NEMP2: variants seen among roughly 807,000 people sequenced by gnomAD.
NEMP2 encodes the protein UPF0571 transmembrane protein.
Under a neutral mutation model 54.2 loss-of-function variants are expected in NEMP2, and 53 were observed. The observed-to-expected ratio is 0.98, with a 90% CI of 0.78 to 1.23. The LOEUF (loss-of-function observed/expected upper bound fraction) is 1.23. Among genes scored for constraint, NEMP2 ranks in the 50% most tolerant of loss-of-function variants. The pLI is 0.00. For synonymous variants in NEMP2, 197 were observed against 190.3 expected (o/e 1.04, Z -0.29); for missense variants, 455 against 511.3 (o/e 0.89, Z 1.06).
the NEMP2 span, among the ~76,000 whole-genome samples, chr2:190,471,834 A>AC: frequency 6.6e-6 from 1 of 151,926 alleles, no homozygotes; most frequent in African/African-American, 2.4e-5. This position sits in a 1 kb window ranked among gnomAD's most constrained non-coding sequence, Gnocchi z 4.7. Flanking sequence ...ACTGGGAGGC[A>AC]CCCCCCAGTA....
chr2:190,433,737 G>A, the NEMP2 span, among the ~76,000 whole-genome samples: 1 of 152,174 alleles, frequency 6.6e-6, no homozygotes, highest in African/African-American at 2.4e-5. This position sits in a 1 kb window ranked among gnomAD's most constrained non-coding sequence, Gnocchi z 4.5. Context: ...GTCTCCTTAA[G>A]TTGTGTTCCA....
the NEMP2 span, among the ~76,000 whole-genome samples, chr2:190,424,222 A>G: frequency 7.0e-6 from 1 of 142,876 alleles, no homozygotes; most frequent in South Asian, 2.2e-4. This position sits in a 1 kb window ranked among gnomAD's most constrained non-coding sequence, Gnocchi z 5.9. Context: ...TAGAGGCTAA[A>G]GATTTTCTTC....
chr2:190,565,417 A>T, the NEMP2 span, among the ~76,000 whole-genome samples: 3 of 152,232 alleles, frequency 2.0e-5, no homozygotes, highest in African/African-American at 7.2e-5. Context: ...AAATCTGTTT[A>T]ATGGGTCATA....
chr2:190,591,093 G>C, the NEMP2 span, among the ~76,000 whole-genome samples: 1 of 152,098 alleles, frequency 6.6e-6, no homozygotes, highest in African/African-American at 2.4e-5. The surrounding 1 kb of genome is among the most constrained non-coding windows in gnomAD (Gnocchi z 5.4). Flanking sequence ...GACAAAAAAA[G>C]GAAATAAGTA....
At chr2:190,443,935 C>G in the NEMP2 span, among the ~76,000 whole-genome samples, 7 of 152,006 alleles carry the variant, frequency 4.6e-5, no homozygotes, top group African/African-American at 1.5e-4. The surrounding 1 kb of genome is among the most constrained non-coding windows in gnomAD (Gnocchi z 4.2). Context: ...GCCTGTAGTC[C>G]CAGTTACTTG....
At position 190,534,321 on chromosome 2, in the gene NEMP2, G is replaced by T. The variant is rs912106281; in HGVS notation, c.97+238C>A. On this transcript the variant is annotated intron_variant, in intron 1 of 8. Coordinates refer to ENST00000409150, the MANE Select transcript of NEMP2 (RefSeq NM_001142645.2). ...AGGGAATTGGGCGACTGGATCGCGC[G>T]GTTGCTTCTAATTCTAAAATTACAA... 15 of 1,188,450 alleles carry T rather than the reference G, an allele frequency of 1.3e-5. No individual in the cohort carries two copies. In the African/African-American group the frequency reaches 2.2e-4, roughly 18 times the overall value. 73.6% of individuals were successfully genotyped at this position (1,188,450 alleles called of 1,614,324 possible). A position where few individuals can be genotyped will look rare whatever the true frequency, so the allele number is the denominator to read the frequency against.
the NEMP2 span, among the ~76,000 whole-genome samples, chr2:190,496,652 G>A: frequency 6.6e-6 from 1 of 151,172 alleles, no homozygotes; most frequent in Non-Finnish European, 1.5e-5. This position sits in a 1 kb window ranked among gnomAD's most constrained non-coding sequence, Gnocchi z 4.7. Flanking sequence ...ATATGTATAT[G>A]TGTATATGTG....
chr2:190,460,877 C>A, the NEMP2 span, among the ~76,000 whole-genome samples: 3 of 152,300 alleles, frequency 2.0e-5, no homozygotes, highest in South Asian at 6.2e-4. Flanking sequence ...ATAATAGAAT[C>A]TTCTTCATAT....
the NEMP2 span, among the ~76,000 whole-genome samples, chr2:190,559,396 T>C: frequency 1.3e-5 from 2 of 152,202 alleles, no homozygotes; most frequent in East Asian, 3.9e-4. The surrounding 1 kb of genome is among the most constrained non-coding windows in gnomAD (Gnocchi z 4.0). Context: ...TCAGGACCCT[T>C]GAGCGTATGA....
At chr2:190,643,964 GTCC>G in the NEMP2 span, among the ~76,000 whole-genome samples, 10 of 152,070 alleles carry the variant, frequency 6.6e-5, no homozygotes, top group Admixed American at 6.5e-4. Flanking sequence ...TTACTTAATA[GTCC>G]TCATTTTAAA....
rs988130753 is a variant in NEMP2, at chr2:190,527,820, T to C, written c.98-2442A>G. On this transcript the variant is annotated intron_variant, in intron 1 of 8. Transcript: ENST00000409150. The surrounding 1 kb of genome is among the most constrained non-coding windows in gnomAD (Gnocchi z 4.0). ...TAGGAGCGTGAACCTTACTGTGAACTGAGCAACCTAGGGATCTAGGTTGCA... is the reference window on the plus strand; with the variant it reads ...TAGGAGCGTGAACCTTACTGTGAACCGAGCAACCTAGGGATCTAGGTTGCA... Among the ~76,000 whole-genome samples the C allele has an allele frequency of 6.6e-6, 1 of 152,110 alleles. No homozygotes were observed. The highest frequency in any genetic ancestry group is 6.5e-5 in the Admixed American group (1 of 15,274).
chr2:190,427,653 G>A, the NEMP2 span, among the ~76,000 whole-genome samples: 1 of 151,652 alleles, frequency 6.6e-6, no homozygotes, highest in Non-Finnish European at 1.5e-5. Context: ...ATTGTCTAGG[G>A]TTTTTAGTTG....
At chr2:190,634,019 C>A in the NEMP2 span, among the ~76,000 whole-genome samples, 2 of 152,134 alleles carry the variant, frequency 1.3e-5, no homozygotes, top group African/African-American at 2.4e-5. This position sits in a 1 kb window ranked among gnomAD's most constrained non-coding sequence, Gnocchi z 6.8. Context: ...TTACAGTGAG[C>A]TATGATTGTG....
At chr2:190,619,515 T>TA in the NEMP2 span, among the ~76,000 whole-genome samples, 68 of 147,334 alleles carry the variant, frequency 4.6e-4, no homozygotes, top group East Asian at 2.2e-3. This position sits in a 1 kb window ranked among gnomAD's most constrained non-coding sequence, Gnocchi z 5.5. Flanking sequence ...ATAAAAAAAT[T>TA]AAAAAAAAAA....
At chr2:190,532,513 G>T (rs968292524) in intron 1 of NEMP2, among the ~76,000 whole-genome samples, 2 of 152,140 alleles carry the variant, frequency 1.3e-5, no homozygotes, top group African/African-American at 4.8e-5. Context: ...AAAATTATGG[G>T]AAACTCTTGA....
Position 190,525,198 on chromosome 2 carries a change from A to G in NEMP2, c.213+65T>C, listed in dbSNP as rs965465626. On this transcript the variant is annotated intron_variant, in intron 2 of 8. Transcript: ENST00000409150. This position sits in a 1 kb window ranked among gnomAD's most constrained non-coding sequence, Gnocchi z 5.0. ...ATACTTTCTATTCCTGAAGTGGTACATTTCCTGTCCCCAGGACATGGTAAT... is the reference window on the plus strand; with the variant it reads ...ATACTTTCTATTCCTGAAGTGGTACGTTTCCTGTCCCCAGGACATGGTAAT... 2.7e-5 allele frequency: 24 copies of G among 890,680 alleles called. No homozygotes were observed. The highest frequency in any genetic ancestry group is 4.0e-5 in the Non-Finnish European group (23 of 568,712). 55.2% of individuals were successfully genotyped at this position (890,680 alleles called of 1,614,324 possible). A position where few individuals can be genotyped will look rare whatever the true frequency, so the allele number is the denominator to read the frequency against.
chr2:190,484,076 C>T, the NEMP2 span, among the ~76,000 whole-genome samples: 1 of 152,058 alleles, frequency 6.6e-6, no homozygotes, highest in South Asian at 2.1e-4. Context: ...GTCATTCATT[C>T]TCAATCAATA....
At chr2:190,565,448 G>A in the NEMP2 span, among the ~76,000 whole-genome samples, 14 of 152,166 alleles carry the variant, frequency 9.2e-5, no homozygotes, top group Non-Finnish European at 1.9e-4. Flanking sequence ...TCTTGGGTTG[G>A]GTTCCTTGAG....
chr2:190,497,376 T>C, the NEMP2 span: 5 of 1,543,818 alleles, frequency 3.2e-6, no homozygotes, highest in Non-Finnish European at 4.4e-6. The surrounding 1 kb of genome is among the most constrained non-coding windows in gnomAD (Gnocchi z 5.2). Flanking sequence ...TTATTTATTT[T>C]TACCTTTGTT....
Sources: allele counts gnomAD v4.1 joint callset (sites outside exome capture counted in the v4.1 genomes callset), GRCh38; gene constraint gnomAD v4.1.1; non-coding constraint Gnocchi (gnomAD v3.1); transcripts MANE v1.5; gene names NCBI Gene and HGNC (gene_info 2026-07-23, HGNC 2026-07-21).